TFDP2: variants seen among roughly 807,000 people sequenced by gnomAD.
The protein encoded by TFDP2 is transcription factor Dp-2, also known as transcription factor Dp-2 (E2F dimerization partner 2).
TFDP2 carries 17 observed loss-of-function variants against 59.3 expected under a neutral mutation model. That is an observed-to-expected ratio of 0.29 (90% confidence interval 0.20 to 0.43). TFDP2 has a LOEUF of 0.43. TFDP2 is among the 20% of genes least tolerant of loss of function. The pLI is 1.00. For missense variants in TFDP2, 391 were observed against 528.8 expected (o/e 0.74, Z 2.56); for synonymous variants, 180 against 194.7 (o/e 0.92, Z 0.63).
chr3:141,991,635 G>A (rs1397915780), intron 6 of TFDP2, among the ~76,000 whole-genome samples: 1 of 152,136 alleles, frequency 6.6e-6, no homozygotes, highest in African/African-American at 2.4e-5. Context: ...TGTAGTCCCA[G>A]CTACTTGGGA....
chr3:142,052,324 T>C (rs1378374020), intron 3 of TFDP2, among the ~76,000 whole-genome samples: 11 of 151,740 alleles, frequency 7.2e-5, no homozygotes, highest in Non-Finnish European at 1.2e-4. Context: ...GATCACAAGG[T>C]CAGGAGATCA....
Position 141,949,309 on chromosome 3 carries a change from G to C in TFDP2, c.*3204C>G, listed in dbSNP as rs1356021033. 2 of 152,112 alleles carry C rather than the reference G, an allele frequency of 1.3e-5. No individual in the cohort carries two copies. The highest frequency in any genetic ancestry group is 1.3e-4 in the Admixed American group (2 of 15,260). The allele number at this position is 152,112 out of a possible 1,614,324, so 9.4% of individuals were successfully genotyped here. The stretch of plus-strand genomic sequence containing the variant: ...TTAAATTGAAGGACGCCAAACTTGT[G>C]GCCATTGTCTGTAGTTTCTCGGGCG... On this transcript the variant is annotated 3_prime_UTR_variant, in exon 13 of 13. Coordinates refer to ENST00000489671, the MANE Select transcript of TFDP2 (RefSeq NM_001178139.2).
intron 11 of TFDP2, among the ~76,000 whole-genome samples, chr3:141,953,612 C>A (rs2107831746): frequency 6.6e-6 from 1 of 152,206 alleles, no homozygotes; most frequent in East Asian, 1.9e-4. Context: ...CTTTCTAATT[C>A]AAACTAGCTC....
chr3:141,972,412 C>G (rs982307342), intron 8 of TFDP2, among the ~76,000 whole-genome samples: 1 of 152,188 alleles, frequency 6.6e-6, no homozygotes, highest in African/African-American at 2.4e-5. Flanking sequence ...TCCTATCAAC[C>G]CTTCTCTTTG....
intron 11 of TFDP2, among the ~76,000 whole-genome samples, 188 bp from the exon 12 acceptor site, chr3:141,953,204 T>C (rs1314145635): frequency 6.6e-6 from 1 of 150,884 alleles, no homozygotes; most frequent in African/African-American, 2.4e-5. Flanking sequence ...TTCTAGAACA[T>C]AAGAGCAGGA....
chr3:142,060,614 A>ATG (rs2059887922), intron 3 of TFDP2, among the ~76,000 whole-genome samples: 1 of 152,168 alleles, frequency 6.6e-6, no homozygotes, highest in Non-Finnish European at 1.5e-5. Flanking sequence ...ATATATAAAA[A>ATG]TGTGTGTGTG....
At chr3:141,985,218 T>C (rs193141502) in intron 6 of TFDP2, among the ~76,000 whole-genome samples, 16 of 152,216 alleles carry the variant, frequency 1.1e-4, no homozygotes, top group African/African-American at 3.9e-4. Context: ...AAAAATGTTA[T>C]AAAAATAAAT....
At chr3:142,039,372 C>T (rs1946847945) in intron 3 of TFDP2, among the ~76,000 whole-genome samples, 1 of 151,980 alleles carries the variant, frequency 6.6e-6, no homozygotes, top group Non-Finnish European at 1.5e-5. Flanking sequence ...TCCTGATGAC[C>T]TTGACAGTTT....
chr3:142,136,198 C>G (rs938348273), intron 1 of TFDP2, among the ~76,000 whole-genome samples: 1 of 152,040 alleles, frequency 6.6e-6, no homozygotes, highest in African/African-American at 2.4e-5. Context: ...GCATAGATGT[C>G]TTCTTTTGAG....
In TFDP2 at chr3:142,127,867, T is replaced by C. The variant is rs2062328879; in HGVS notation, c.-93+21316A>G. 2.0e-5 allele frequency among the ~76,000 whole-genome samples: 3 copies of C among 152,144 alleles called. No individual in the cohort carries two copies. In the South Asian group the frequency reaches 6.2e-4, roughly 32 times the overall value. ...TGGGGCTGTTAATAAAAAGACTTGATTGAAAGTTTGAATAAAGTCTTAACC... is the reference window on the plus strand; with the variant it reads ...TGGGGCTGTTAATAAAAAGACTTGACTGAAAGTTTGAATAAAGTCTTAACC... On this transcript the variant is annotated intron_variant, in intron 1 of 12. Transcript: ENST00000489671.
intron 11 of TFDP2, among the ~76,000 whole-genome samples, chr3:141,954,127 T>C (rs1346544482): frequency 2.0e-5 from 3 of 151,596 alleles, no homozygotes; most frequent in Non-Finnish European, 4.4e-5. Flanking sequence ...ACCACTGCAC[T>C]CCAGCCTGGG....
At chr3:141,962,323 T>C (rs1469199553) in intron 10 of TFDP2, among the ~76,000 whole-genome samples, 1 of 152,176 alleles carries the variant, frequency 6.6e-6, no homozygotes, top group East Asian at 1.9e-4. Context: ...GTCTATAGTC[T>C]CAATTATCAA....
chr3:141,970,192 A>G (rs541049349), intron 8 of TFDP2, 51 bp from the exon 9 acceptor site: 4 of 1,554,010 alleles, frequency 2.6e-6, no homozygotes, highest in South Asian at 1.1e-5. Flanking sequence ...ACTATAAAAT[A>G]TCGTTCACTT....
At chr3:142,111,744 C>A (rs1480229648) in intron 1 of TFDP2, among the ~76,000 whole-genome samples, 6 of 152,020 alleles carry the variant, frequency 3.9e-5, no homozygotes, top group Admixed American at 3.3e-4. Context: ...GGAAGCCAGA[C>A]CATGCAGGAT....
At chr3:142,084,593 A>AT (rs2060747283) in intron 3 of TFDP2, among the ~76,000 whole-genome samples, 1 of 152,216 alleles carries the variant, frequency 6.6e-6, no homozygotes, top group African/African-American at 2.4e-5. Context: ...CAACATACAA[A>AT]TGGATAAAGA....
intron 3 of TFDP2, among the ~76,000 whole-genome samples, chr3:142,078,526 A>G (rs2060538684): frequency 6.6e-6 from 1 of 152,238 alleles, no homozygotes; most frequent in South Asian, 2.1e-4. Context: ...CTTATCCAAG[A>G]CTACCAAGGT....
intron 3 of TFDP2, among the ~76,000 whole-genome samples, chr3:142,091,943 C>T (rs113359281): frequency 6.6e-5 from 10 of 152,220 alleles, no homozygotes; most frequent in East Asian, 3.9e-4. Flanking sequence ...CTCTAGAGTA[C>T]GTCTCCCACC....
At chr3:142,114,001 A>G (rs2061757455) in intron 1 of TFDP2, among the ~76,000 whole-genome samples, 1 of 152,184 alleles carries the variant, frequency 6.6e-6, no homozygotes, top group East Asian at 1.9e-4. Flanking sequence ...CGCCTCTACT[A>G]AAAATACAAA....
intron 1 of TFDP2, among the ~76,000 whole-genome samples, chr3:142,127,402 G>A (rs1419690418): frequency 6.6e-6 from 1 of 150,806 alleles, no homozygotes; most frequent in Non-Finnish European, 1.5e-5. Flanking sequence ...TAACTCCCGG[G>A]TTCAAGCAAT....
Sources: allele counts gnomAD v4.1 joint callset (sites outside exome capture counted in the v4.1 genomes callset), GRCh38; gene constraint gnomAD v4.1.1; transcripts MANE v1.5; gene names NCBI Gene and HGNC (gene_info 2026-07-23, HGNC 2026-07-21).